Variants in CLEC18A observed in about 807,000 individuals in gnomAD.
The protein encoded by CLEC18A is C-type lectin domain family 18 member A.
CLEC18A carries 5 observed loss-of-function variants against 24.0 expected under a neutral mutation model. The ratio of observed to expected loss-of-function variants is 0.21; its 90% CI spans 0.11 to 0.44. The LOEUF (loss-of-function observed/expected upper bound fraction) is 0.44. Ranked by LOEUF, CLEC18A falls within the 20% of genes least tolerant of loss-of-function variation. The pLI is 0.99. For missense variants in CLEC18A, 83 were observed against 233.4 expected, an observed-to-expected ratio of 0.36 and a Z score of 4.20; for synonymous variants, 29 against 100.1, an observed-to-expected ratio of 0.29 and a Z score of 4.24.
At chr16:69,954,734 G>C (rs1567459809) in intron 3 of CLEC18A, 161 bp downstream of exon 3, 1 of 979,040 alleles carries the variant, frequency 1.0e-6, no homozygotes. Context: ...GTCTTGCTCT[G>C]TTGCCCAGGC....
At chr16:69,955,670 C>T (rs1377142814) in intron 3 of CLEC18A, among the ~76,000 whole-genome samples, 13 of 144,686 alleles carry the variant, frequency 9.0e-5, no homozygotes, top group Non-Finnish European at 1.3e-4. Context: ...AAATTTAAAA[C>T]GGCCCCACTC....
chr16:69,944,361 A>G, the CLEC18A span, among the ~76,000 whole-genome samples: 3 of 151,950 alleles, frequency 2.0e-5, no homozygotes. Flanking sequence ...TTCCTTTGCT[A>G]CCAGCTTTTG....
At chr16:69,955,215 C>T (rs1431672500) in intron 3 of CLEC18A, among the ~76,000 whole-genome samples, 1 of 150,242 alleles carries the variant, frequency 6.7e-6, no homozygotes, top group East Asian at 2.0e-4. Flanking sequence ...GTTGGTCAGG[C>T]TGGTCTCGAA....
chr16:69,949,719 AC>A (rs2058926817), upstream of CLEC18A, among the ~76,000 whole-genome samples: 1 of 144,886 alleles, frequency 6.9e-6, no homozygotes, highest in Admixed American at 6.8e-5. Context: ...CATGCCTGCA[AC>A]CCCAGCACTT....
At chr16:69,943,867 G>A in the CLEC18A span, among the ~76,000 whole-genome samples, 8 of 142,088 alleles carry the variant, frequency 5.6e-5, no homozygotes, top group African/African-American at 2.0e-4. Context: ...TGTGCTCTAG[G>A]CATTTCATCT....
intron 2 of CLEC18A, chr16:69,953,881 GC>G (rs1444036985): frequency 3.5e-6 from 1 of 285,108 alleles, no homozygotes; most frequent in African/African-American, 2.2e-5. Context: ...AGCATATGAG[GC>G]CGGGCTCCTG....
chr16:69,944,539 T>G, the CLEC18A span, among the ~76,000 whole-genome samples: 1 of 147,964 alleles, frequency 6.8e-6, no homozygotes, highest in East Asian at 2.0e-4. Context: ...GACCCCTATC[T>G]AAAAAAAAGA....
At chr16:69,953,812 C>CAA (rs1192194170) in intron 2 of CLEC18A, 1,372 of 109,312 alleles carry the variant, frequency 0.013, 4 homozygotes, top group Middle Eastern at 0.051. Flanking sequence ...GAGACTGTCT[C>CAA]AAAAAAAAAA....
At chr16:69,944,221 G>A in the CLEC18A span, among the ~76,000 whole-genome samples, 4 of 134,396 alleles carry the variant, frequency 3.0e-5, 1 homozygote, top group African/African-American at 2.4e-5. Flanking sequence ...GCTTGAACCC[G>A]GGAGGCAGAG....
At chr16:69,945,319 C>T in the CLEC18A span, among the ~76,000 whole-genome samples, 1 of 151,786 alleles carries the variant, frequency 6.6e-6, no homozygotes, top group African/African-American at 2.4e-5. Flanking sequence ...TAAGTTTTTT[C>T]CTGTATTGTT....
At chr16:69,945,281 C>G in the CLEC18A span, among the ~76,000 whole-genome samples, 1 of 141,864 alleles carries the variant, frequency 7.0e-6, no homozygotes, top group African/African-American at 3.0e-5. Flanking sequence ...AAGTGAGACC[C>G]TCAAATAAAA....
At chr16:69,944,844 GAAAA>G in the CLEC18A span, among the ~76,000 whole-genome samples, 5 of 113,862 alleles carry the variant, frequency 4.4e-5, 1 homozygote, top group African/African-American at 8.1e-5. Flanking sequence ...TCAAAAAAAA[GAAAA>G]AAAAGAATAG....
At chr16:69,954,890 G>A (rs533100690) in intron 3 of CLEC18A, among the ~76,000 whole-genome samples, 1 of 152,178 alleles carries the variant, frequency 6.6e-6, no homozygotes, top group African/African-American at 2.4e-5. Flanking sequence ...AGTAGAGATG[G>A]GGTTTTACCA....
At chr16:69,965,455 C>T (rs1597218046), downstream of CLEC18A, among the ~76,000 whole-genome samples, 4 of 151,898 alleles carry the variant, frequency 2.6e-5, no homozygotes, top group South Asian at 8.4e-4. Context: ...CGCATGCCCG[C>T]GGGAGGTGGG....
At chr16:69,965,264 C>T (rs1169018851), downstream of CLEC18A, among the ~76,000 whole-genome samples, 1 of 151,568 alleles carries the variant, frequency 6.6e-6, no homozygotes, top group Admixed American at 6.6e-5. Flanking sequence ...GATCCCTGCC[C>T]GGGCACTGGC....
downstream of CLEC18A, among the ~76,000 whole-genome samples, chr16:69,965,486 C>G (rs954666187): frequency 2.6e-5 from 4 of 151,428 alleles, no homozygotes; most frequent in Admixed American, 2.0e-4. Flanking sequence ...GCGCGCTGCC[C>G]GAGGCCGGGG....
chr16:69,965,330 G>A (rs1360444243), downstream of CLEC18A, among the ~76,000 whole-genome samples: 1 of 151,974 alleles, frequency 6.6e-6, no homozygotes, highest in Non-Finnish European at 1.5e-5. Flanking sequence ...GGGAGGGCCC[G>A]CTCTCCGGCT....
At chr16:69,946,846 A>G, upstream of CLEC18A, among the ~76,000 whole-genome samples, 1 of 83,440 alleles carries the variant, frequency 1.2e-5, no homozygotes, top group Non-Finnish European at 2.1e-5. Flanking sequence ...ATTCCTTCGG[A>G]TTTTCTACAG....
chr16:69,944,852 A>C, the CLEC18A span, among the ~76,000 whole-genome samples: 4 of 116,900 alleles, frequency 3.4e-5, no homozygotes, highest in Admixed American at 8.4e-5. Context: ...AAGAAAAAAA[A>C]GAATAGGGCC....
Sources: gnomAD v4.1 joint callset for allele counts (sites outside exome capture counted in the v4.1 genomes callset) on GRCh38, gnomAD v4.1.1 for gene constraint, MANE v1.5 for transcripts, NCBI Gene and HGNC (gene_info 2026-07-23, HGNC 2026-07-21) for gene names.